Variants in CWC27 observed in about 807,000 individuals in gnomAD.
CWC27 encodes spliceosome-associated protein CWC27 homolog.
In CWC27, 47 loss-of-function variants were observed where a neutral mutation model predicts 63.6. That is an observed-to-expected ratio of 0.74 (90% CI 0.58 to 0.94). CWC27 has a LOEUF of 0.94. Ranked by LOEUF, CWC27 falls within the 40% of genes least tolerant of loss-of-function variation. The pLI is 0.00. For synonymous variants in CWC27, 175 were observed against 179.8 expected, an observed-to-expected ratio of 0.97 and a Z score of 0.22; for missense variants, 495 against 554.3, an observed-to-expected ratio of 0.89 and a Z score of 1.07.
At chr5:64,861,618 T>C (rs1273203695) in intron 10 of CWC27, among the ~76,000 whole-genome samples, 5 of 152,220 alleles carry the variant, frequency 3.3e-5, no homozygotes, top group African/African-American at 1.2e-4. Context: ...TTTCTATTTA[T>C]GTGAATTGTT....
At position 64,808,155 on chromosome 5, in the gene CWC27, G is replaced by T. The variant is rs567065194; in HGVS notation, c.938+3769G>T. 338 of 1,038,094 alleles carry T rather than the reference G, an allele frequency of 3.3e-4. No individual in the cohort carries two copies. In the African/African-American group the frequency reaches 4.9e-3, roughly 15 times the overall value. The allele number at this position is 1,038,094 out of a possible 1,614,324, so 64.3% of individuals were successfully genotyped here. A position where few individuals can be genotyped will look rare whatever the true frequency, so the allele number is the denominator to read the frequency against. ...ACTTGTTAGAAATACCGAGTCTCAG[G>T]CCCTGTCCTACACATTTTTAATTAG... On this transcript the variant is annotated intron_variant, in intron 10 of 13. Coordinates refer to ENST00000381070, the MANE Select transcript of CWC27 (RefSeq NM_005869.4).
intron 13 of CWC27, among the ~76,000 whole-genome samples, chr5:65,007,314 T>C (rs1191793376): frequency 1.3e-5 from 2 of 152,024 alleles, no homozygotes; most frequent in Non-Finnish European, 2.9e-5. Flanking sequence ...CAGCCAAGAG[T>C]AGGCTAAGGA....
chr5:64,952,386 TC>T, intron 11 of CWC27, among the ~76,000 whole-genome samples: 2 of 152,130 alleles, frequency 1.3e-5, no homozygotes, highest in Middle Eastern at 6.8e-3. Context: ...TCTTTTCACT[TC>T]TTAGTGGGCC....
At chr5:65,015,943 A>C (rs1218751727) in intron 13 of CWC27, among the ~76,000 whole-genome samples, 2 of 152,240 alleles carry the variant, frequency 1.3e-5, no homozygotes, top group Non-Finnish European at 2.9e-5. Flanking sequence ...CAACTTTCAA[A>C]AGCATGTGGC....
At chr5:64,897,581 A>G (rs758988894) in intron 11 of CWC27, among the ~76,000 whole-genome samples, 5 of 152,110 alleles carry the variant, frequency 3.3e-5, no homozygotes, top group African/African-American at 1.2e-4. Context: ...ATCACACACC[A>G]GGGTCGGTCA....
At chr5:64,955,225 A>G (rs569518507) in intron 11 of CWC27, among the ~76,000 whole-genome samples, 1 of 152,286 alleles carries the variant, frequency 6.6e-6, no homozygotes, top group East Asian at 1.9e-4. Flanking sequence ...TATAACATCA[A>G]CACTTTACAA....
intron 10 of CWC27, among the ~76,000 whole-genome samples, chr5:64,851,515 T>C (rs994895176): frequency 6.6e-6 from 1 of 152,226 alleles, no homozygotes; most frequent in Non-Finnish European, 1.5e-5. Context: ...TGGAGTATTA[T>C]ACATCTCAAA....
chr5:64,871,602 T>C (rs1470464317), intron 10 of CWC27, among the ~76,000 whole-genome samples: 1 of 152,134 alleles, frequency 6.6e-6, no homozygotes, highest in Non-Finnish European at 1.5e-5. Flanking sequence ...CTTGCAGTCT[T>C]AAGGAGTTTG....
intron 11 of CWC27, among the ~76,000 whole-genome samples, chr5:64,939,572 T>C (rs1748427961): frequency 6.6e-6 from 1 of 152,226 alleles, no homozygotes; most frequent in Non-Finnish European, 1.5e-5. Flanking sequence ...GGGAGGTGCC[T>C]TCAAGTCAGG....
chr5:64,891,561 T>G (rs1747238197), intron 11 of CWC27, among the ~76,000 whole-genome samples: 2 of 152,202 alleles, frequency 1.3e-5, no homozygotes, highest in Non-Finnish European at 2.9e-5. Flanking sequence ...TAAGAGTCCA[T>G]AAAGTACTTT....
At chr5:64,948,259 A>G (rs1435207020) in intron 11 of CWC27, among the ~76,000 whole-genome samples, 1 of 152,092 alleles carries the variant, frequency 6.6e-6, no homozygotes, top group Non-Finnish European at 1.5e-5. Context: ...GGCATCGACT[A>G]GAAAAAATCA....
chr5:64,805,383 A>C (rs930728522), intron 10 of CWC27, among the ~76,000 whole-genome samples: 1 of 151,514 alleles, frequency 6.6e-6, no homozygotes, highest in African/African-American at 2.4e-5. Flanking sequence ...TATACCATAC[A>C]TAGTAGCTAA....
intron 10 of CWC27, among the ~76,000 whole-genome samples, chr5:64,852,661 T>A: frequency 6.6e-6 from 1 of 152,078 alleles, no homozygotes; most frequent in Middle Eastern, 3.4e-3. Flanking sequence ...TTAGGAGAGA[T>A]AGGGTTTCAC....
At chr5:64,833,905 T>TC (rs1265295414) in intron 10 of CWC27, among the ~76,000 whole-genome samples, 1 of 151,598 alleles carries the variant, frequency 6.6e-6, no homozygotes, top group Non-Finnish European at 1.5e-5. Context: ...TACCTAACCA[T>TC]ACTTTTGGGG....
chr5:64,819,268 C>T (rs1745130114), intron 10 of CWC27, among the ~76,000 whole-genome samples: 1 of 152,052 alleles, frequency 6.6e-6, no homozygotes, highest in South Asian at 2.1e-4. Context: ...TCATACTGGA[C>T]TTAATAATAC....
intron 13 of CWC27, among the ~76,000 whole-genome samples, chr5:65,013,892 T>C (rs1313752549): frequency 1.3e-5 from 2 of 152,172 alleles, no homozygotes; most frequent in East Asian, 3.8e-4. Flanking sequence ...ATTGCTAATG[T>C]TGGAATTCTA....
In CWC27 at chr5:64,772,459, T is replaced by TA. The variant is rs556760476; in HGVS notation, c.43-2224dup. On this transcript the variant is annotated intron_variant, in intron 1 of 13. Coordinates refer to ENST00000381070, the MANE Select transcript of CWC27 (RefSeq NM_005869.4). ...CAACAGGGTGAAACCCTGTCTCTAC[T>TA]AAAAAAAATGCAAAAAAAGTAGCCG... is the stretch of plus-strand genomic sequence containing the variant. 4.6e-4 allele frequency among the ~76,000 whole-genome samples: 68 copies of TA among 148,958 alleles called. No homozygotes were observed. The South Asian group carries it at 8.1e-3, about 18-fold the overall frequency.
At chr5:65,014,810 A>G (rs1750023017) in intron 13 of CWC27, among the ~76,000 whole-genome samples, 1 of 152,238 alleles carries the variant, frequency 6.6e-6, no homozygotes, top group South Asian at 2.1e-4. Context: ...GCTTTTCACA[A>G]TGAAGTGACC....
At chr5:64,850,898 AAGT>A in intron 10 of CWC27, among the ~76,000 whole-genome samples, 1 of 152,188 alleles carries the variant, frequency 6.6e-6, no homozygotes, top group South Asian at 2.1e-4. Flanking sequence ...TATCAAAAAA[AAGT>A]AAAGTGTTGG....
Sources: allele counts gnomAD v4.1 joint callset (sites outside exome capture counted in the v4.1 genomes callset), GRCh38; gene constraint gnomAD v4.1.1; transcripts MANE v1.5; gene names NCBI Gene and HGNC (gene_info 2026-07-23, HGNC 2026-07-21).